Variants in PDE10A observed in about 807,000 individuals in gnomAD.
PDE10A encodes cAMP and cAMP-inhibited cGMP 3',5'-cyclic phosphodiesterase 10A.
In PDE10A, 39 loss-of-function variants were observed where a neutral mutation model predicts 97.7. The observed-to-expected ratio is 0.40, with a 90% CI of 0.31 to 0.52. PDE10A has a LOEUF of 0.52. Ranked by LOEUF, PDE10A falls within the 20% of genes least tolerant of loss-of-function variation. The pLI, the probability that PDE10A is intolerant of heterozygous loss-of-function variation, is 0.56. For synonymous variants in PDE10A, 371 were observed against 376.8 expected (o/e 0.98, Z 0.18); for missense variants, 731 against 1,047.8 (o/e 0.70, Z 4.17).
intron 1 of PDE10A, among the ~76,000 whole-genome samples, chr6:165,676,677 A>C (rs1260795119): frequency 6.6e-6 from 1 of 152,104 alleles, no homozygotes; most frequent in Non-Finnish European, 1.5e-5. Context: ...CGGGCTGTTT[A>C]GGCCACTGAC....
At chr6:165,345,662 C>A (rs1229570003) in intron 18 of PDE10A, among the ~76,000 whole-genome samples, 1 of 152,216 alleles carries the variant, frequency 6.6e-6, no homozygotes, top group Non-Finnish European at 1.5e-5. Context: ...AGGAGCCCAA[C>A]ACAATGCCTA....
At chr6:165,848,454 C>G (rs1780484477) in intron 1 of PDE10A, among the ~76,000 whole-genome samples, 1 of 152,174 alleles carries the variant, frequency 6.6e-6, no homozygotes, top group Non-Finnish European at 1.5e-5. Context: ...AGCCTTTGTA[C>G]AAAGTGGCTC....
At chr6:165,720,650 C>T (rs937108406) in intron 1 of PDE10A, among the ~76,000 whole-genome samples, 4 of 152,152 alleles carry the variant, frequency 2.6e-5, no homozygotes, top group Admixed American at 1.3e-4. Flanking sequence ...ATCGATCTAC[C>T]GCCCTGAGAA....
chr6:165,954,265 T>C (rs746670606), intron 1 of PDE10A, among the ~76,000 whole-genome samples: 3 of 152,234 alleles, frequency 2.0e-5, no homozygotes, highest in South Asian at 2.1e-4. Context: ...AATTTTTAGA[T>C]GAAAATATTA....
rs116343401 is a variant in PDE10A, at chr6:165,558,848, T to C, written c.866-15280A>G. On this transcript the variant is annotated intron_variant, in intron 1 of 21. Transcript: ENST00000539869. ...ACAATGAACACGTATATATACCTAA[T>C]ATAAATGACGAGTTAATGAGTGCAG... Among the ~76,000 whole-genome samples, 365 of 152,242 alleles carry C rather than the reference T, an allele frequency of 2.4e-3. 1 individual carries two copies. The highest frequency in any genetic ancestry group is 8.5e-3 in the African/African-American group (352 of 41,562).
intron 1 of PDE10A, among the ~76,000 whole-genome samples, chr6:165,792,068 T>C (rs1487003675): frequency 6.6e-6 from 1 of 152,210 alleles, no homozygotes; most frequent in Non-Finnish European, 1.5e-5. Flanking sequence ...TCATGGCTCC[T>C]GCCCGACGTT....
At chr6:165,425,633 A>G (rs981807176) in intron 10 of PDE10A, among the ~76,000 whole-genome samples, 1 of 152,162 alleles carries the variant, frequency 6.6e-6, no homozygotes, top group African/African-American at 2.4e-5. Flanking sequence ...ATGAGACAAG[A>G]AAGTCCACAC....
At chr6:165,925,012 C>G (rs1782889349) in intron 1 of PDE10A, among the ~76,000 whole-genome samples, 2 of 151,878 alleles carry the variant, frequency 1.3e-5, no homozygotes, top group Admixed American at 1.3e-4. Context: ...TGGCACACCT[C>G]ATGTCCGCCA....
At chr6:165,549,888 T>C (rs927504897) in intron 1 of PDE10A, among the ~76,000 whole-genome samples, 1 of 152,170 alleles carries the variant, frequency 6.6e-6, no homozygotes, top group African/African-American at 2.4e-5. Context: ...AAATTAGTAA[T>C]CATAGGTACT....
intron 1 of PDE10A, among the ~76,000 whole-genome samples, chr6:165,868,062 C>G (rs1301559298): frequency 6.6e-6 from 1 of 151,978 alleles, no homozygotes; most frequent in African/African-American, 2.4e-5. Context: ...TAAATGCTTA[C>G]ATGCAAGAAG....
At chr6:165,398,024 T>C (rs1786314115) in intron 13 of PDE10A, among the ~76,000 whole-genome samples, 1 of 152,212 alleles carries the variant, frequency 6.6e-6, no homozygotes, top group South Asian at 2.1e-4. Flanking sequence ...TTGTTCTTAC[T>C]AAAAAATTAC....
At chr6:165,693,795 C>G (rs1462667370) in intron 1 of PDE10A, among the ~76,000 whole-genome samples, 2 of 152,094 alleles carry the variant, frequency 1.3e-5, no homozygotes, top group Admixed American at 1.3e-4. Context: ...TTTCTGGGGC[C>G]AATTCATTTC....
intron 1 of PDE10A, among the ~76,000 whole-genome samples, chr6:165,745,871 CAGA>C (rs1792831429): frequency 6.6e-6 from 1 of 152,174 alleles, no homozygotes; most frequent in Non-Finnish European, 1.5e-5. Context: ...ACTCCTGGTG[CAGA>C]AGGATAGTGG....
At chr6:165,762,045 A>T (rs935380823) in intron 1 of PDE10A, among the ~76,000 whole-genome samples, 7 of 152,232 alleles carry the variant, frequency 4.6e-5, no homozygotes, top group African/African-American at 1.4e-4. Context: ...TTTCTCAGAA[A>T]ACCAACCATC....
intron 1 of PDE10A, among the ~76,000 whole-genome samples, chr6:165,676,625 C>T (rs1790802842): frequency 6.6e-6 from 1 of 151,988 alleles, no homozygotes; most frequent in Admixed American, 6.6e-5. Context: ...GGCCCATGTG[C>T]CTGGAGTGGA....
chr6:165,491,916 A>G (rs1331393984), intron 2 of PDE10A, among the ~76,000 whole-genome samples: 1 of 152,176 alleles, frequency 6.6e-6, no homozygotes, highest in Non-Finnish European at 1.5e-5. Context: ...TAAATGAAAC[A>G]AAAAGGTGGT....
At chr6:165,728,363 A>C (rs1792348518) in intron 1 of PDE10A, among the ~76,000 whole-genome samples, 1 of 152,188 alleles carries the variant, frequency 6.6e-6, no homozygotes, top group South Asian at 2.1e-4. Context: ...ATAACACTCA[A>C]TTCTCCTCTC....
At chr6:165,622,567 G>C (rs1380832327) in intron 1 of PDE10A, among the ~76,000 whole-genome samples, 5 of 152,050 alleles carry the variant, frequency 3.3e-5, no homozygotes, top group Non-Finnish European at 7.4e-5. Flanking sequence ...TAAAAATATG[G>C]TATTATAATC....
At chr6:165,630,103 T>G (rs1788563343) in intron 1 of PDE10A, among the ~76,000 whole-genome samples, 1 of 152,046 alleles carries the variant, frequency 6.6e-6, no homozygotes, top group African/African-American at 2.4e-5. Flanking sequence ...ATCCCAGCAC[T>G]TTGGGAGGCT....
Sources: gnomAD v4.1 joint callset for allele counts (sites outside exome capture counted in the v4.1 genomes callset) on GRCh38, gnomAD v4.1.1 for gene constraint, MANE v1.5 for transcripts, NCBI Gene and HGNC (gene_info 2026-07-23, HGNC 2026-07-21) for gene names.